Variants in EDIL3 observed in about 807,000 individuals in gnomAD.
EDIL3 encodes the protein EGF like and discoidin domains 3, also known as EGF-like repeat and discoidin I-like domain-containing protein 3.
A neutral mutation model predicts 67.4 loss-of-function variants in EDIL3; 37 were observed. The ratio of observed to expected loss-of-function variants is 0.55; its 90% confidence interval spans 0.42 to 0.72. EDIL3 has a LOEUF of 0.72. EDIL3 is among the 30% of genes least tolerant of loss of function. The pLI, the probability that EDIL3 is intolerant of heterozygous loss-of-function variation, is 0.00. For missense variants in EDIL3, 527 were observed against 586.3 expected (o/e 0.90, Z 1.04); for synonymous variants, 195 against 196.3 (o/e 0.99, Z 0.05).
chr5:84,200,613 G>A (rs1163781733), intron 3 of EDIL3, among the ~76,000 whole-genome samples: 1 of 151,844 alleles, frequency 6.6e-6, no homozygotes, highest in East Asian at 1.9e-4. Flanking sequence ...TATTAAACTT[G>A]TTACACAATT....
chr5:84,149,322 C>T (rs964858028), intron 4 of EDIL3, among the ~76,000 whole-genome samples: 1 of 151,940 alleles, frequency 6.6e-6, no homozygotes, highest in African/African-American at 2.4e-5. Flanking sequence ...CTGAATAGAC[C>T]AGAGGGAGCA....
intron 2 of EDIL3, among the ~76,000 whole-genome samples, chr5:84,247,621 C>T (rs1744934202): frequency 2.0e-5 from 3 of 151,884 alleles, no homozygotes; most frequent in Non-Finnish European, 4.4e-5. Context: ...GAGGGTAACA[C>T]ATTTAATAGA....
At chr5:84,079,251 A>T (rs984109294) in intron 6 of EDIL3, among the ~76,000 whole-genome samples, 2 of 152,114 alleles carry the variant, frequency 1.3e-5, no homozygotes, top group African/African-American at 4.8e-5. Flanking sequence ...ATAATAAACA[A>T]GTAAATGTGT....
At position 83,985,511 on chromosome 5, in the gene EDIL3, T is replaced by C. The variant is rs189184358; in HGVS notation, c.1138-22151A>G. On this transcript the variant is annotated intron_variant, in intron 9 of 10. Transcript: ENST00000296591. The stretch of plus-strand genomic sequence containing the variant: ...GCAGTGCTTGGAAAGCTGTGGGAAA[T>C]GGGTGCTGTTTGTATACTAGAGTAA... Among the ~76,000 whole-genome samples, 3 of 152,222 alleles carry C rather than the reference T, an allele frequency of 2.0e-5. No individual in the cohort carries two copies. In the East Asian group the frequency reaches 5.8e-4, roughly 30 times the overall value.
intron 1 of EDIL3, among the ~76,000 whole-genome samples, chr5:84,304,707 C>A (rs1013247026): frequency 1.3e-5 from 2 of 152,100 alleles, no homozygotes; most frequent in African/African-American, 4.8e-5. Context: ...AATCAAAATC[C>A]ATTAATTGGT....
intron 9 of EDIL3, among the ~76,000 whole-genome samples, chr5:84,001,049 A>AT (rs1745322043): frequency 6.6e-6 from 1 of 151,936 alleles, no homozygotes; most frequent in African/African-American, 2.4e-5. Flanking sequence ...CCACATTTTT[A>AT]TTTTTATTTA....
chr5:84,327,657 A>T (rs1746790581), intron 1 of EDIL3, among the ~76,000 whole-genome samples: 1 of 151,812 alleles, frequency 6.6e-6, no homozygotes, highest in Admixed American at 6.6e-5. Flanking sequence ...TTTTTTCCCC[A>T]CAGAGAAGTT....
intron 9 of EDIL3, among the ~76,000 whole-genome samples, chr5:84,048,947 A>G (rs1218538781): frequency 6.6e-6 from 1 of 152,162 alleles, no homozygotes; most frequent in Non-Finnish European, 1.5e-5. Context: ...AAGCATCTTA[A>G]CAATGTTTAA....
chr5:84,312,338 C>T (rs1293127504), intron 1 of EDIL3, among the ~76,000 whole-genome samples: 2 of 144,418 alleles, frequency 1.4e-5, no homozygotes, highest in Admixed American at 1.3e-4. Context: ...GGGGGGCTGA[C>T]CCCCCCACCT....
chr5:84,039,913 A>T (rs1018763457), intron 9 of EDIL3, among the ~76,000 whole-genome samples: 1 of 152,100 alleles, frequency 6.6e-6, no homozygotes, highest in Non-Finnish European at 1.5e-5. Flanking sequence ...CTTAAAGCAA[A>T]TGCTATATAC....
intron 9 of EDIL3, among the ~76,000 whole-genome samples, chr5:84,053,354 C>G: frequency 6.6e-6 from 1 of 152,100 alleles, no homozygotes; most frequent in East Asian, 1.9e-4. Flanking sequence ...CAAGAGAAAG[C>G]AGGAAAGATC....
intron 2 of EDIL3, among the ~76,000 whole-genome samples, chr5:84,252,365 G>A (rs2112073840): frequency 6.6e-6 from 1 of 151,532 alleles, no homozygotes; most frequent in South Asian, 2.1e-4. Flanking sequence ...GTGGCGGCAG[G>A]CGCCTGTAGT....
At chr5:84,322,064 T>TATAATA (rs531147730) in intron 1 of EDIL3, among the ~76,000 whole-genome samples, 5 of 150,382 alleles carry the variant, frequency 3.3e-5, no homozygotes, top group East Asian at 1.9e-4. Context: ...ATAATAATGA[T>TATAATA]ATAATAATAA....
At chr5:83,998,615 A>T (rs1408458412) in intron 9 of EDIL3, among the ~76,000 whole-genome samples, 1 of 152,184 alleles carries the variant, frequency 6.6e-6, no homozygotes, top group Non-Finnish European at 1.5e-5. Context: ...GCACTGTAAA[A>T]TAAAGCATCA....
chr5:84,042,923 T>C (rs918791977), intron 9 of EDIL3, among the ~76,000 whole-genome samples: 2 of 152,150 alleles, frequency 1.3e-5, no homozygotes, highest in East Asian at 1.9e-4. Context: ...GAACCTTTCA[T>C]TGGAACCAGC....
chr5:84,359,306 C>T (rs1052355574), intron 1 of EDIL3, among the ~76,000 whole-genome samples: 2 of 152,028 alleles, frequency 1.3e-5, no homozygotes, highest in Non-Finnish European at 2.9e-5. Flanking sequence ...CCCAAATTTG[C>T]CCAACATTTG....
intron 10 of EDIL3, among the ~76,000 whole-genome samples, chr5:83,952,732 C>T (rs1303307876): frequency 6.6e-6 from 1 of 151,834 alleles, no homozygotes; most frequent in Non-Finnish European, 1.5e-5. Context: ...CAATTTGAGA[C>T]TCTACCCCTG....
intron 6 of EDIL3, among the ~76,000 whole-genome samples, chr5:84,099,226 T>C (rs1005987567): frequency 2.0e-5 from 3 of 152,164 alleles, no homozygotes; most frequent in Non-Finnish European, 2.9e-5. Context: ...CCACTGACTT[T>C]CTTCACAGAA....
At chr5:84,024,023 C>G (rs521500) in intron 9 of EDIL3, among the ~76,000 whole-genome samples, 129,189 of 152,074 alleles carry the variant, frequency 0.85, 55,714 homozygotes, top group Non-Finnish European at 0.92. Context: ...AGCCATTAAC[C>G]ATGGACTGTA....
Sources: allele counts gnomAD v4.1 joint callset (sites outside exome capture counted in the v4.1 genomes callset), GRCh38; gene constraint gnomAD v4.1.1; transcripts MANE v1.5; gene names NCBI Gene and HGNC (gene_info 2026-07-23, HGNC 2026-07-21).